Variants in CALN1 observed in about 807,000 individuals in gnomAD.
CALN1 encodes calneuron 1.
In CALN1, 17 loss-of-function variants were observed where a neutral mutation model predicts 30.6. That is an observed-to-expected ratio of 0.56 (90% confidence interval 0.38 to 0.83). The LOEUF is 0.83. Among genes scored for constraint, CALN1 ranks in the 40% least tolerant of loss-of-function variants. The probability of loss-of-function intolerance (pLI) is 0.00; values close to 1 mark genes in which losing one functional copy is unlikely to be tolerated. For missense variants in CALN1, 291 were observed against 354.9 expected, an observed-to-expected ratio of 0.82 and a Z score of 1.45; for synonymous variants, 156 against 131.4, an observed-to-expected ratio of 1.19 and a Z score of -1.28.
chr7:72,337,476 C>G (rs936671763), intron 2 of CALN1: 1 of 175,622 alleles, frequency 5.7e-6, no homozygotes, highest in Admixed American at 6.5e-5. Flanking sequence ...GGCAGACACG[C>G]GGGGGGCGAG....
chr7:72,160,969 T>A (rs2129544822), intron 3 of CALN1, among the ~76,000 whole-genome samples: 1 of 152,242 alleles, frequency 6.6e-6, no homozygotes, highest in African/African-American at 2.4e-5. Context: ...ACCACGGAAC[T>A]CAATCTTGGT....
At chr7:72,076,697 G>C (rs1804769750) in intron 4 of CALN1, among the ~76,000 whole-genome samples, 1 of 116,944 alleles carries the variant, frequency 8.6e-6, no homozygotes, top group African/African-American at 3.3e-5. Context: ...CACTTCTCCA[G>C]AATGAAAACA....
At chr7:72,382,520 T>C (rs7781223) in intron 2 of CALN1, among the ~76,000 whole-genome samples, 2,302 of 152,316 alleles carry the variant, frequency 0.015, 24 homozygotes, top group African/African-American at 0.028. Context: ...ATGGGTATAT[T>C]GTGTAATGCT....
chr7:72,421,987 C>T (rs1215926260), intron 1 of CALN1, among the ~76,000 whole-genome samples: 4 of 152,158 alleles, frequency 2.6e-5, no homozygotes, highest in Non-Finnish European at 4.4e-5. Flanking sequence ...GAGTAGTATT[C>T]CATGGTGTAT....
intron 5 of CALN1, among the ~76,000 whole-genome samples, chr7:72,016,809 T>C (rs1227528909): frequency 1.3e-5 from 2 of 150,980 alleles, no homozygotes; most frequent in Non-Finnish European, 2.9e-5. Flanking sequence ...AGCCTGGGCC[T>C]GGGCTGGGAA....
intron 5 of CALN1, among the ~76,000 whole-genome samples, chr7:71,895,378 C>T (rs1284524848): frequency 6.6e-6 from 1 of 151,982 alleles, no homozygotes; most frequent in African/African-American, 2.4e-5. Context: ...GGCGTGATAA[C>T]TTTATCTCAT....
At chr7:71,794,511 C>T (rs1287724371) in intron 6 of CALN1, among the ~76,000 whole-genome samples, 1 of 152,110 alleles carries the variant, frequency 6.6e-6, no homozygotes, top group African/African-American at 2.4e-5. Context: ...TTAGAAGCCC[C>T]GGACAAATGA....
chr7:71,835,249 A>G (rs1789536069), intron 5 of CALN1, among the ~76,000 whole-genome samples: 1 of 152,236 alleles, frequency 6.6e-6, no homozygotes, highest in Non-Finnish European at 1.5e-5. Flanking sequence ...ATAATCCTCC[A>G]GTAACCAGAT....
intron 3 of CALN1, among the ~76,000 whole-genome samples, chr7:72,124,056 T>C (rs1456529591): frequency 6.6e-6 from 1 of 152,106 alleles, no homozygotes; most frequent in Non-Finnish European, 1.5e-5. Context: ...CCTAAGCAAG[T>C]TACAAGACAG....
intron 3 of CALN1, among the ~76,000 whole-genome samples, chr7:72,235,767 C>T (rs977030381): frequency 1.3e-5 from 2 of 151,320 alleles, no homozygotes; most frequent in African/African-American, 4.9e-5. Context: ...TGCCCCATCA[C>T]CCCTTGGCCA....
At chr7:72,383,068 G>A (rs1805005393) in intron 2 of CALN1, among the ~76,000 whole-genome samples, 1 of 152,220 alleles carries the variant, frequency 6.6e-6, no homozygotes, top group African/African-American at 2.4e-5. Context: ...TTACGGGCAT[G>A]AGCCACCCTG....
intron 3 of CALN1, among the ~76,000 whole-genome samples, chr7:72,152,877 A>ATT (rs1446235480): frequency 1.3e-5 from 2 of 152,164 alleles, no homozygotes; most frequent in Non-Finnish European, 2.9e-5. Context: ...GGGGGAGAAG[A>ATT]ATAAACAACT....
chr7:71,818,350 G>A (rs1788387501), intron 5 of CALN1, among the ~76,000 whole-genome samples: 1 of 152,048 alleles, frequency 6.6e-6, no homozygotes, highest in African/African-American at 2.4e-5. Flanking sequence ...GCCGTACCAA[G>A]GCACAGAGTT....
chr7:72,381,490 G>A (rs575861532), intron 2 of CALN1, among the ~76,000 whole-genome samples: 2 of 152,296 alleles, frequency 1.3e-5, no homozygotes, highest in East Asian at 1.9e-4. Context: ...TATATACCAC[G>A]AATACTATGC....
intron 3 of CALN1, among the ~76,000 whole-genome samples, chr7:72,212,841 G>T (rs1298246413): frequency 6.6e-6 from 1 of 152,102 alleles, no homozygotes; most frequent in Non-Finnish European, 1.5e-5. Flanking sequence ...TAAAGAAAAG[G>T]TATTTCTAAA....
intron 2 of CALN1, among the ~76,000 whole-genome samples, chr7:72,301,624 A>AC (rs1291432451): frequency 1.3e-5 from 2 of 150,906 alleles, no homozygotes; most frequent in Admixed American, 1.3e-4. Context: ...AAAAAAAAAA[A>AC]AAAAAGCAAG....
At chr7:71,897,160 G>T (rs1447068858) in intron 5 of CALN1, among the ~76,000 whole-genome samples, 1 of 152,186 alleles carries the variant, frequency 6.6e-6, no homozygotes, top group Non-Finnish European at 1.5e-5. Context: ...AAGGCCTCCT[G>T]TAATATCTGT....
chr7:71,979,536 C>CTGA lies in CALN1; in HGVS notation c.501+44120_501+44121insTCA, dbSNP rs775141869. 1.3e-3 allele frequency among the ~76,000 whole-genome samples: 192 copies of CTGA among 152,224 alleles called. 1 individual carries two copies. Among genetic ancestry groups the CTGA allele is most frequent in the Admixed American group, 2.4e-3 (37 of 15,280 alleles). ...GCCGCTGATCTGGCAGGAGGCAGAG[C>CTGA]TCAGGCAGGAATGAGAGGGACAGGG... On this transcript the variant is annotated intron_variant, in intron 5 of 6. Transcript: ENST00000395275.
chr7:71,891,095 C>G (rs911695851), intron 5 of CALN1, among the ~76,000 whole-genome samples: 2 of 152,044 alleles, frequency 1.3e-5, no homozygotes, highest in East Asian at 3.9e-4. Flanking sequence ...AAACCTTCTC[C>G]TAGTTATTAA....
Sources: gnomAD v4.1 joint callset for allele counts (sites outside exome capture counted in the v4.1 genomes callset) on GRCh38, gnomAD v4.1.1 for gene constraint, MANE v1.5 for transcripts, NCBI Gene and HGNC (gene_info 2026-07-23, HGNC 2026-07-21) for gene names.